Variants in JAK2 observed in about 807,000 individuals in gnomAD.
JAK2 encodes the protein tyrosine-protein kinase JAK2.
Under a neutral mutation model 139.3 loss-of-function variants are expected in JAK2, and 86 were observed. The observed-to-expected ratio is 0.62, with a 90% CI of 0.52 to 0.74. JAK2 has a LOEUF of 0.74. JAK2 is among the 30% of genes least tolerant of loss of function. The probability of loss-of-function intolerance (pLI) is 0.00; values close to 1 mark genes in which losing one functional copy is unlikely to be tolerated. For synonymous variants in JAK2, 490 were observed against 437.7 expected, an observed-to-expected ratio of 1.12 and a Z score of -1.49; for missense variants, 1,421 against 1,360.3, an observed-to-expected ratio of 1.04 and a Z score of -0.70.
At chr9:5,029,932 C>G in intron 4 of JAK2, 26 bp downstream of exon 4, 2 of 1,553,748 alleles carry the variant, frequency 1.3e-6, no homozygotes, top group Non-Finnish European at 1.7e-6. Context: ...AAGTAACTCA[C>G]TTAATGCTAA....
At position 5,069,972 on chromosome 9, in the gene JAK2, C is replaced by G; in HGVS notation, c.1561C>G (p.Pro521Ala). The change falls in exon 12 of 25, where the codon CCA becomes GCA. Residue 521 changes from proline (P) to alanine (A), a missense_variant. Physicochemically the swap from Pro to Ala is conservative, Grantham distance 27. Coordinates refer to ENST00000381652, the MANE Select transcript of JAK2 (RefSeq NM_004972.4). ...CAGAACGAATGGTGTTTCTGATGTA[C>G]CAACCTCACCAACATTACAGAGGCC... ...VFRTNGVSDV[P>A]TSPTLQRPTH... 1.1e-5 allele frequency: 18 copies of G among 1,605,920 alleles called. No individual in the cohort carries two copies. Among genetic ancestry groups the G allele is most frequent in the Non-Finnish European group, 1.5e-5 (18 of 1,173,900 alleles).
intron 2 of JAK2, among the ~76,000 whole-genome samples, chr9:4,994,876 T>C (rs2129760185): frequency 6.6e-6 from 1 of 152,334 alleles, no homozygotes; most frequent in South Asian, 2.1e-4. Context: ...AAATTATCTA[T>C]TTTTTGAACA....
At chr9:5,043,133 A>T (rs923046709) in intron 4 of JAK2, among the ~76,000 whole-genome samples, 4 of 152,194 alleles carry the variant, frequency 2.6e-5, no homozygotes, top group African/African-American at 9.6e-5. Flanking sequence ...CCAGCCCCGC[A>T]GGTGTATGTG....
rs767683708 is a variant in JAK2, at chr9:5,090,557, C to G, written c.2873C>G (p.Ser958Cys). The change falls in exon 21 of 25, where the codon TCT becomes TGT. Residue 958 changes from serine (S) to cysteine (C), a missense_variant. Ser to Cys is a moderately radical substitution (Grantham distance 112). Coordinates refer to ENST00000381652, the MANE Select transcript of JAK2 (RefSeq NM_004972.4). ...CACATAAAACTTCTGCAGTACACATCTCAGATATGCAAGGTAACTAATATC... is the reference window on the plus strand; with the variant it reads ...CACATAAAACTTCTGCAGTACACATGTCAGATATGCAAGGTAACTAATATC... Reference protein sequence around the residue: ...IDHIKLLQYTSQICKGMEYLG... With the variant: ...IDHIKLLQYTCQICKGMEYLG... 3.2e-6 allele frequency: 5 copies of G among 1,578,578 alleles called. No homozygotes were observed. The highest frequency in any genetic ancestry group is 4.3e-6 in the Non-Finnish European group (5 of 1,163,734).
At chr9:4,996,224 G>A (rs769751711) in intron 2 of JAK2, among the ~76,000 whole-genome samples, 4 of 152,106 alleles carry the variant, frequency 2.6e-5, no homozygotes, top group Non-Finnish European at 5.9e-5. Context: ...AGAAGTATAT[G>A]GATCACCTGA....
At chr9:5,080,845 A>G (rs1035677897) in intron 18 of JAK2, among the ~76,000 whole-genome samples, 162 bp downstream of exon 18, 2 of 149,878 alleles carry the variant, frequency 1.3e-5, no homozygotes, top group African/African-American at 4.9e-5. Flanking sequence ...TACATATTCT[A>G]ATCTCCTTGA....
chr9:5,055,478 T>G (rs570129288), intron 7 of JAK2, among the ~76,000 whole-genome samples, 191 bp from the exon 8 acceptor site: 329 of 152,158 alleles, frequency 2.2e-3, no homozygotes, highest in Middle Eastern at 0.014. Flanking sequence ...GCCCTCATTT[T>G]TAAGTCAAGC....
At chr9:5,001,793 C>T (rs1293273728) in intron 2 of JAK2, among the ~76,000 whole-genome samples, 1 of 151,992 alleles carries the variant, frequency 6.6e-6, no homozygotes. Context: ...CCAGGGAAGT[C>T]ACTTTGGCCA....
At chr9:4,999,810 C>T (rs982706937) in intron 2 of JAK2, among the ~76,000 whole-genome samples, 1 of 152,170 alleles carries the variant, frequency 6.6e-6, no homozygotes, top group South Asian at 2.1e-4. Context: ...TTATCAGACC[C>T]CTTTAATGTC....
Position 5,070,065 on chromosome 9 carries a change from A to G in JAK2, c.1641+13A>G. On this transcript the variant is annotated intron_variant, in intron 12 of 24. Coordinates refer to ENST00000381652, the MANE Select transcript of JAK2 (RefSeq NM_004972.4). The stretch of plus-strand genomic sequence containing the variant: ...AGATTTGATATTTGTAAGTCATTAG[A>G]TACTCATTACTGTCTTTTTTGTCCT... 6.3e-7 allele frequency: 1 copy of G among 1,584,708 alleles called. No individual in the cohort carries two copies. Among genetic ancestry groups the G allele is most frequent in the African/African-American group, 1.3e-5 (1 of 74,266 alleles).
rs77491335 is a variant in JAK2, at chr9:5,031,956, C to T, written c.350+2050C>T. On this transcript the variant is annotated intron_variant, in intron 4 of 24. Transcript: ENST00000381652. ...ACACTGAGCATGAGCCGAAGCAGGG[C>T]GAGGCATCGCCACACCCGGGAAGCG... Among the ~76,000 whole-genome samples, 13 of 152,314 alleles carry T rather than the reference C, an allele frequency of 8.5e-5. No homozygotes were observed. The South Asian group carries it at 1.0e-3, about 12-fold the overall frequency.
chr9:5,037,772 G>T (rs920324747), intron 4 of JAK2, among the ~76,000 whole-genome samples: 6 of 152,024 alleles, frequency 3.9e-5, no homozygotes, highest in Non-Finnish European at 8.8e-5. Flanking sequence ...CGAGTTACTG[G>T]GTGCAGCACA....
chr9:5,075,642 T>C (rs1384370092), intron 14 of JAK2, among the ~76,000 whole-genome samples: 1 of 152,196 alleles, frequency 6.6e-6, no homozygotes, highest in Non-Finnish European at 1.5e-5. Flanking sequence ...GTATTACTGA[T>C]CATTGACAAT....
chr9:5,070,001 T>A lies in JAK2; in HGVS notation c.1590T>A (p.Thr530=), dbSNP rs923861022. Residue 530 remains threonine (T), a synonymous_variant, in exon 12 of 25, where the codon ACT becomes ACA. Transcript: ENST00000381652. ...VPTSPTLQRP[T]HMNQMVFHKI... ...CCTCACCAACATTACAGAGGCCTAC[T>A]CATATGAACCAAATGGTGTTTCACA... 6.2e-7 allele frequency: 1 copy of A among 1,608,624 alleles called. No homozygotes were observed.
At chr9:5,007,396 A>G (rs1821377955) in intron 2 of JAK2, among the ~76,000 whole-genome samples, 1 of 152,046 alleles carries the variant, frequency 6.6e-6, no homozygotes, top group African/African-American at 2.4e-5. Context: ...ATTTTTCTGT[A>G]TATGCTGTGG....
rs146383885 is a variant in JAK2 at position 5,089,757 on chromosome 9, G to C, written c.2655G>C (p.Gln885His). The C allele has an allele frequency of 1.0e-5, 16 of 1,592,804 alleles. No individual in the cohort carries two copies. Among genetic ancestry groups the C allele is most frequent in the African/African-American group, 1.4e-5 (1 of 73,258 alleles). Residue 885 changes from glutamine (Q) to histidine (H), a missense_variant, in exon 20 of 25, where the codon CAG (glutamine) becomes CAC (histidine). Gln to His is a conservative substitution (Grantham distance 24). Transcript: ENST00000381652. The part of the protein sequence containing the change: ...TGEVVAVKKL[Q>H]HSTEEHLRDF... Reference sequence around the variant, plus strand: ...AGGTGGTCGCTGTAAAAAAGCTTCAGCATAGTACTGAAGAGCACCTAAGAG... The same window carrying C: ...AGGTGGTCGCTGTAAAAAAGCTTCACCATAGTACTGAAGAGCACCTAAGAG...
chr9:5,107,540 G>C (rs946697852), intron 22 of JAK2, among the ~76,000 whole-genome samples: 1 of 151,878 alleles, frequency 6.6e-6, no homozygotes, highest in African/African-American at 2.4e-5. Flanking sequence ...ATTTACAAAA[G>C]AACTCAAAAA....
In JAK2 at chr9:5,049,014, C is replaced by T. The variant is rs28565962; in HGVS notation, c.469-1672C>T. On this transcript the variant is annotated intron_variant, in intron 5 of 24. Transcript: ENST00000381652. ...TCAGATTTATCTGTATTCCTAAATC[C>T]TCCAGGTCAAAATCGTAGAACCTCT... 2.0e-3 allele frequency among the ~76,000 whole-genome samples: 302 copies of T among 152,212 alleles called. 1 individual carries two copies. Among genetic ancestry groups the T allele is most frequent in the African/African-American group, 6.9e-3 (285 of 41,550 alleles).
chr9:5,079,959 T>C (rs1284398667), intron 16 of JAK2, among the ~76,000 whole-genome samples: 1 of 152,250 alleles, frequency 6.6e-6, no homozygotes, highest in East Asian at 1.9e-4. Flanking sequence ...CTGTCTCTGC[T>C]GCTAACAAAT....
Sources: allele counts gnomAD v4.1 joint callset (sites outside exome capture counted in the v4.1 genomes callset), GRCh38; gene constraint gnomAD v4.1.1; transcripts MANE v1.5; gene names NCBI Gene and HGNC (gene_info 2026-07-23, HGNC 2026-07-21).